Variants in GLRA3 observed in about 807,000 individuals in gnomAD.
GLRA3 encodes glycine receptor subunit alpha-3.
GLRA3 carries 44 observed loss-of-function variants against 60.4 expected under a neutral mutation model. The observed-to-expected ratio is 0.73, with a 90% CI of 0.57 to 0.94. The LOEUF (loss-of-function observed/expected upper bound fraction) is 0.94. Ranked by LOEUF, GLRA3 falls within the 40% of genes least tolerant of loss-of-function variation. The pLI is 0.00. For missense variants in GLRA3, 508 were observed against 564.6 expected (o/e 0.90, Z 1.02); for synonymous variants, 223 against 192.9 (o/e 1.16, Z -1.29).
chr4:174,770,517 G>A (rs1385832), intron 2 of GLRA3, among the ~76,000 whole-genome samples: 27,877 of 151,928 alleles, frequency 0.18, 3,013 homozygotes, highest in Admixed American at 0.25. Context: ...CATTAAAAGC[G>A]TTGCCTATTA....
At chr4:174,698,526 A>G (rs1352451338) in intron 5 of GLRA3, among the ~76,000 whole-genome samples, 2 of 152,124 alleles carry the variant, frequency 1.3e-5, no homozygotes, top group African/African-American at 4.8e-5. Context: ...TTTCAGTACC[A>G]CTATTTATTT....
At chr4:174,659,779 C>T (rs1033359244) in intron 7 of GLRA3, among the ~76,000 whole-genome samples, 1 of 152,024 alleles carries the variant, frequency 6.6e-6, no homozygotes, top group African/African-American at 2.4e-5. Context: ...CGAGACCAGC[C>T]TAGCCAACAT....
intron 7 of GLRA3, among the ~76,000 whole-genome samples, chr4:174,668,882 C>A (rs184204382): frequency 6.6e-6 from 1 of 152,018 alleles, no homozygotes; most frequent in Non-Finnish European, 1.5e-5. Flanking sequence ...GCTAAAATAG[C>A]CCTTTGAATA....
At chr4:174,802,961 T>C (rs1739885042) in intron 1 of GLRA3, among the ~76,000 whole-genome samples, 1 of 152,088 alleles carries the variant, frequency 6.6e-6, no homozygotes, top group South Asian at 2.1e-4. Context: ...ATAAATTATA[T>C]ATCGTTTGTA....
In GLRA3 at chr4:174,642,867, T is replaced by C. The variant is rs1347029642; in HGVS notation, c.*919A>G. The C allele has an allele frequency of 4.3e-6, 3 of 698,146 alleles. No individual in the cohort carries two copies. The highest frequency in any genetic ancestry group is 2.7e-4 in the East Asian group (2 of 7,502). The allele number at this position is 698,146 out of a possible 1,614,324, so 43.2% of individuals were successfully genotyped here. On this transcript the variant is annotated 3_prime_UTR_variant, in exon 10 of 10. Transcript: ENST00000274093. ...TTTTATCAAAATGTAAATACTTTAA[T>C]CCCATTGAATTTTAAAGTCACATTC... is the stretch of plus-strand genomic sequence containing the variant.
At position 174,642,403 on chromosome 4, in the gene GLRA3, C is replaced by G; in HGVS notation, c.*1383G>C. On this transcript the variant is annotated 3_prime_UTR_variant, in exon 10 of 10. Coordinates refer to ENST00000274093, the MANE Select transcript of GLRA3 (RefSeq NM_006529.4). ...GTGCATCTGACCAATAATTAAAATA[C>G]CTAAAAAGCATTCCAAAGCTTTTCC... is the stretch of plus-strand genomic sequence containing the variant. 4.5e-5 allele frequency: 43 copies of G among 962,436 alleles called. No homozygotes were observed. Among genetic ancestry groups the G allele is most frequent in the Non-Finnish European group, 5.3e-5 (43 of 809,326 alleles). The allele number at this position is 962,436 out of a possible 1,614,324, so 59.6% of individuals were successfully genotyped here. A position where few individuals can be genotyped will look rare whatever the true frequency, so the allele number is the denominator to read the frequency against.
chr4:174,794,597 C>T (rs1483801232), intron 1 of GLRA3, among the ~76,000 whole-genome samples: 5 of 152,042 alleles, frequency 3.3e-5, no homozygotes, highest in Non-Finnish European at 7.4e-5. Flanking sequence ...TTATCCCTTT[C>T]GAATAACTAA....
At chr4:174,730,308 C>T (rs1736504752) in intron 3 of GLRA3, among the ~76,000 whole-genome samples, 1 of 152,176 alleles carries the variant, frequency 6.6e-6, no homozygotes, top group Admixed American at 6.5e-5. Flanking sequence ...CTTCGCCATT[C>T]TCCAGTGTGT....
At chr4:174,736,816 A>G (rs955753526) in intron 3 of GLRA3, among the ~76,000 whole-genome samples, 2 of 152,198 alleles carry the variant, frequency 1.3e-5, no homozygotes, top group African/African-American at 4.8e-5. Context: ...TATGTATTAT[A>G]CATAAAACCC....
chr4:174,707,662 A>C (rs1211699027), intron 5 of GLRA3, among the ~76,000 whole-genome samples: 1 of 152,240 alleles, frequency 6.6e-6, no homozygotes, highest in Non-Finnish European at 1.5e-5. Context: ...GGGTGTGTTT[A>C]ACTTGCAGAG....
chr4:174,676,132 A>G (rs1426960028), intron 7 of GLRA3, among the ~76,000 whole-genome samples: 11 of 152,154 alleles, frequency 7.2e-5, no homozygotes, highest in Non-Finnish European at 1.5e-4. Context: ...TTCTATTTCT[A>G]TGCAGCTAAA....
At chr4:174,646,289 C>T (rs1214176548) in intron 9 of GLRA3, among the ~76,000 whole-genome samples, 1 of 152,200 alleles carries the variant, frequency 6.6e-6, no homozygotes, top group East Asian at 1.9e-4. Flanking sequence ...TCAAAACAAA[C>T]ATAATCTATT....
intron 1 of GLRA3, among the ~76,000 whole-genome samples, chr4:174,816,973 T>C (rs533341352): frequency 6.6e-6 from 1 of 152,292 alleles, no homozygotes; most frequent in Non-Finnish European, 1.5e-5. Flanking sequence ...ATTACTTCTT[T>C]AGTGATATTT....
chr4:174,802,026 A>T (rs1441386911), intron 1 of GLRA3, among the ~76,000 whole-genome samples: 1 of 151,130 alleles, frequency 6.6e-6, no homozygotes, highest in Admixed American at 6.6e-5. Flanking sequence ...TAAATATTTC[A>T]AAAATAAATA....
intron 3 of GLRA3, among the ~76,000 whole-genome samples, chr4:174,732,809 ATGTG>A (rs937364707): frequency 2.6e-5 from 4 of 151,620 alleles, no homozygotes; most frequent in Non-Finnish European, 4.4e-5. Flanking sequence ...GTATGTATGT[ATGTG>A]TGTATGTATG....
chr4:174,789,249 T>A (rs1170073797), intron 1 of GLRA3, among the ~76,000 whole-genome samples: 6 of 152,342 alleles, frequency 3.9e-5, no homozygotes, highest in African/African-American at 1.4e-4. Flanking sequence ...TTATTTCTGA[T>A]AGCAATTTTT....
chr4:174,719,217 C>A (rs949698644), intron 4 of GLRA3, among the ~76,000 whole-genome samples: 2 of 152,006 alleles, frequency 1.3e-5, no homozygotes, highest in Non-Finnish European at 2.9e-5. Context: ...CCCGCCTCGG[C>A]CTCCCAAAGT....
chr4:174,724,481 AG>A (rs2111121520), intron 4 of GLRA3, among the ~76,000 whole-genome samples: 1 of 152,254 alleles, frequency 6.6e-6, no homozygotes, highest in South Asian at 2.1e-4. Flanking sequence ...TTATAAAAAA[AG>A]TTATCTCATT....
At chr4:174,708,891 A>C (rs1460193897) in intron 5 of GLRA3, among the ~76,000 whole-genome samples, 4 of 150,580 alleles carry the variant, frequency 2.7e-5, no homozygotes, top group African/African-American at 9.7e-5. Context: ...CTGAAAATTC[A>C]GTTTTGAGTT....
Sources: allele counts gnomAD v4.1 joint callset (sites outside exome capture counted in the v4.1 genomes callset), GRCh38; gene constraint gnomAD v4.1.1; transcripts MANE v1.5; gene names NCBI Gene and HGNC (gene_info 2026-07-23, HGNC 2026-07-21).